The following WDR90 variants were observed in gnomAD, a reference collection of about 807,000 sequenced individuals.
WDR90 encodes WD repeat-containing protein 90.
A neutral mutation model predicts 195.2 loss-of-function variants in WDR90; 238 were observed. That is an observed-to-expected ratio of 1.22 (90% CI 1.10 to 1.36). The LOEUF (loss-of-function observed/expected upper bound fraction) is 1.36, where lower values mean the gene tolerates loss of function less well. WDR90 is among the 40% of genes most tolerant of loss of function. The pLI is 0.00. For missense variants in WDR90, 2,734 were observed against 2,439.5 expected, an observed-to-expected ratio of 1.12 and a Z score of -2.54; for synonymous variants, 1,265 against 1,052.4, an observed-to-expected ratio of 1.20 and a Z score of -3.91.
At chr16:652,688 C>T (rs887721964) in intron 10 of WDR90, among the ~76,000 whole-genome samples, 153 bp downstream of exon 10, 6 of 152,236 alleles carry the variant, frequency 3.9e-5, no homozygotes, top group African/African-American at 9.6e-5. Context: ...CCCTGCAGTC[C>T]GCTGCTTCCC....
chr16:666,397 G>T (rs371257144), intron 37 of WDR90, 47 bp downstream of exon 37: 1 of 1,610,330 alleles, frequency 6.2e-7, no homozygotes, highest in South Asian at 1.1e-5. Context: ...GGTGCTGGTG[G>T]GGGCAGGCAC....
In WDR90 at chr16:665,752, G is replaced by A. The variant is rs773839583; in HGVS notation, c.4385G>A (p.Trp1462Ter). ...TCSEDGSVRV[W>*]ALASMELVIQ... ...AGTGAGGATGGGAGTGTGCGGGTGT[G>A]GGCCTTGGCCAGCATGGAGCTTGTG... Residue 1462 changes from tryptophan (W) to a stop codon, truncating the protein, a stop_gained, in exon 35 of 41, where the codon TGG becomes TAG. Coordinates refer to ENST00000293879, the MANE Select transcript of WDR90 (RefSeq NM_145294.5). LOFTEE classifies it high-confidence loss of function. 5.0e-5 allele frequency: 80 copies of A among 1,608,452 alleles called. No homozygotes were observed. In the South Asian group the frequency reaches 8.4e-4, roughly 17 times the overall value.
Position 650,287 on chromosome 16 carries a change from C to T in WDR90, c.313C>T (p.Leu105Phe). The stretch of plus-strand genomic sequence containing the variant: ...AGTCATCCGTGTGTCTTTCTCCAAC[C>T]TCTTCAAGGAGTTTAAGTCTACGGC... ...NQVIRVSFSN[L>F]FKEFKSTATW... is the part of the protein sequence containing the mutation. The change falls in exon 4 of 41, where the codon CTC becomes TTC. Residue 105 changes from leucine (L) to phenylalanine (F), a missense_variant. Physicochemically the swap from Leu to Phe is conservative, Grantham distance 22. Transcript: ENST00000293879. The T allele has an allele frequency of 1.9e-6, 3 of 1,613,004 alleles. No individual in the cohort carries two copies. The highest frequency in any genetic ancestry group is 1.7e-5 in the Admixed American group (1 of 60,032).
chr16:658,038 C>T (rs1281828140), intron 21 of WDR90, 145 bp from the exon 22 acceptor site: 3 of 1,447,958 alleles, frequency 2.1e-6, no homozygotes, highest in Non-Finnish European at 2.8e-6. Context: ...CATGTGGGGC[C>T]CACGTGCGGC....
At chr16:657,306 GC>G in intron 20 of WDR90, 85 bp downstream of exon 20, 1 of 1,444,732 alleles carries the variant, frequency 6.9e-7, no homozygotes, top group Non-Finnish European at 9.1e-7. Flanking sequence ...GGACACACAT[GC>G]CGGTTTCCTG....
intron 23 of WDR90, 83 bp downstream of exon 23, chr16:658,736 G>C: frequency 6.4e-7 from 1 of 1,567,142 alleles, no homozygotes; most frequent in South Asian, 1.2e-5. Flanking sequence ...TGTGGGTGGG[G>C]GCAGGGAGAG....
At position 655,150 on chromosome 16, in the gene WDR90, G is replaced by T. The variant is rs1417466306; in HGVS notation, c.1556+3G>T. 1.9e-6 allele frequency: 3 copies of T among 1,612,474 alleles called. No homozygotes were observed. Among genetic ancestry groups the T allele is most frequent in the African/African-American group, 2.7e-5 (2 of 74,906 alleles). ...GTCACCTTTTTTGATGAAACCAGGT[G>T]ATGCAGCCGCCCATCCACGATGTTG... On this transcript the variant is annotated splice_donor_region_variant and intron_variant, in intron 14 of 40. Transcript: ENST00000293879.
chr16:664,944 G>T (rs13329749), intron 34 of WDR90: 38,898 of 152,318 alleles, frequency 0.26, 7,449 homozygotes, highest in African/African-American at 0.54. Context: ...CTCCCAAAGG[G>T]CTGGGATTAC....
intron 9 of WDR90, chr16:652,254 GC>G: frequency 1.3e-6 from 1 of 791,664 alleles, no homozygotes; most frequent in Non-Finnish European, 2.0e-6. Flanking sequence ...CAATGCGTCA[GC>G]CCCAGGTGGT....
In WDR90 at chr16:653,414, CGGG is replaced by C; in HGVS notation, c.1199_1201del (p.Gly400del). On this transcript the variant is annotated inframe_deletion, in exon 11 of 41. Transcript: ENST00000293879. ...GTCATCGTCGTCCTGCTCGTGGACA[CGGG>C]GGAGCAGCGCTTCTTCCTTGGCCAC... 6.2e-7 allele frequency: 1 copy of C among 1,611,010 alleles called. No individual in the cohort carries two copies. The highest frequency in any genetic ancestry group is 8.5e-7 in the Non-Finnish European group (1 of 1,179,154).
At chr16:652,906 G>C (rs568142651) in intron 10 of WDR90, among the ~76,000 whole-genome samples, 1 of 152,224 alleles carries the variant, frequency 6.6e-6, no homozygotes, top group African/African-American at 2.4e-5. Flanking sequence ...CATGGGTGAC[G>C]TGGGCCTTCT....
chr16:660,545 T>C (rs2037873619), intron 27 of WDR90, 67 bp from the exon 28 acceptor site: 2 of 1,472,168 alleles, frequency 1.4e-6, no homozygotes, highest in African/African-American at 1.4e-5. Flanking sequence ...CAGCCTCCCA[T>C]GTGCAGGCTT....
Position 666,096 on chromosome 16 carries a change from G to C in WDR90, c.4581G>C (p.Ala1527=), listed in dbSNP as rs371596031. 1 of 1,610,196 alleles carries C rather than the reference G, an allele frequency of 6.2e-7. No individual in the cohort carries two copies. Among genetic ancestry groups the C allele is most frequent in the Non-Finnish European group, 8.5e-7 (1 of 1,179,504 alleles). ...MELKMHPHPV[A]LTTVAFSTDG... ...TCAAGATGCACCCCCACCCGGTGGCGCTGACCACTGTTGCCTTCTCCACCG... is the reference window on the plus strand; with the variant it reads ...TCAAGATGCACCCCCACCCGGTGGCCCTGACCACTGTTGCCTTCTCCACCG... The change falls in exon 36 of 41, where the codon GCG becomes GCC. Residue 1527 remains alanine (A), a synonymous_variant. Transcript: ENST00000293879.
chr16:662,054 G>A lies in WDR90; in HGVS notation c.4028G>A (p.Gly1343Asp). The change falls in exon 32 of 41, where the codon GGC becomes GAC. Residue 1343 changes from glycine (G) to aspartate (D), a missense_variant. Coordinates refer to ENST00000293879, the MANE Select transcript of WDR90 (RefSeq NM_145294.5). ...CFLSWEADDG[G>D]IGLLLFSGSR... The stretch of plus-strand genomic sequence containing the variant: ...TTGTCCTGGGAGGCGGATGACGGTG[G>A]CATTGGTGAGTGCCCCGCAGAAGCC... The A allele has an allele frequency of 6.2e-7, 1 of 1,601,034 alleles. No homozygotes were observed. The highest frequency in any genetic ancestry group is 8.5e-7 in the Non-Finnish European group (1 of 1,179,528).
In WDR90 at chr16:656,766, G is replaced by C. The variant is rs1361842396; in HGVS notation, c.2237G>C (p.Cys746Ser). The change falls in exon 19 of 41, where the codon TGC becomes TCC. Residue 746 changes from cysteine to serine, a missense_variant. Cys to Ser is a moderately radical substitution (Grantham distance 112). Coordinates refer to ENST00000293879, the MANE Select transcript of WDR90 (RefSeq NM_145294.5). ...TTCACATCATCAGAGGACGCCCCGTGCGCTGTCACCTTCCACCCCACAAGG... is the reference window on the plus strand; with the variant it reads ...TTCACATCATCAGAGGACGCCCCGTCCGCTGTCACCTTCCACCCCACAAGG... ...YDFTSSEDAP[C>S]AVTFHPTRPT... is the part of the protein sequence containing the mutation. The C allele has an allele frequency of 6.2e-7, 1 of 1,613,268 alleles. No individual in the cohort carries two copies. Among genetic ancestry groups the C allele is most frequent in the Admixed American group, 1.7e-5 (1 of 60,024 alleles).
rs2037919462 is a variant in WDR90, at chr16:661,719, A to G, written c.3796A>G (p.Thr1266Ala). The change falls in exon 31 of 41, where the codon ACC becomes GCC. Residue 1266 changes from threonine to alanine, a missense_variant. Coordinates refer to ENST00000293879, the MANE Select transcript of WDR90 (RefSeq NM_145294.5). The stretch of plus-strand genomic sequence containing the variant: ...CAACCCCTGGGACGCCGGCGAGCTC[A>G]CCTGTGTGGGCCAGGGCACTGTCAC... ...AFNPWDAGEL[T>A]CVGQGTVTFW... The G allele has an allele frequency of 1.2e-6, 2 of 1,612,166 alleles. No individual in the cohort carries two copies. Among genetic ancestry groups the G allele is most frequent in the Non-Finnish European group, 8.5e-7 (1 of 1,179,746 alleles).
Position 652,003 on chromosome 16 carries a change from G to T in WDR90, c.1017G>T (p.Ser339=). 6.2e-7 allele frequency: 1 copy of T among 1,604,330 alleles called. No homozygotes were observed. The highest frequency in any genetic ancestry group is 1.3e-5 in the African/African-American group (1 of 74,918). ...AAGTHVLTHE[S]AEVPVARTGS... ...GCACCCACGTGTTGACTCACGAGTCGGCTGAGGTGCCCGTGGCCCGCACCG... is the reference window on the plus strand; with the variant it reads ...GCACCCACGTGTTGACTCACGAGTCTGCTGAGGTGCCCGTGGCCCGCACCG... Residue 339 remains serine (S), a synonymous_variant, in exon 9 of 41, where the codon TCG becomes TCT. Coordinates refer to ENST00000293879, the MANE Select transcript of WDR90 (RefSeq NM_145294.5).
Position 665,931 on chromosome 16 carries a change from C to T in WDR90, c.4435-19C>T. 6.4e-7 allele frequency: 1 copy of T among 1,572,584 alleles called. No homozygotes were observed. Among genetic ancestry groups the T allele is most frequent in the Non-Finnish European group, 8.6e-7 (1 of 1,159,474 alleles). ...AGGGCCCCTGTGAGTGCTGAAGTTTCCCCACTGTGGGTCCCCAGAGCTGCC... is the reference window on the plus strand; with the variant it reads ...AGGGCCCCTGTGAGTGCTGAAGTTTTCCCACTGTGGGTCCCCAGAGCTGCC... On this transcript the variant is annotated intron_variant, in intron 35 of 40. Transcript: ENST00000293879.
chr16:661,917 A>G lies in WDR90; in HGVS notation c.3891A>G (p.Ala1297=). The change falls in exon 32 of 41, where the codon GCA becomes GCG. Residue 1297 remains alanine, a synonymous_variant. Transcript: ENST00000293879. ...LQVRREPVPE[A]VGAGELTSLC... is the part of the protein sequence containing the mutation. ...TGCGTCGAGAGCCAGTCCCAGAGGC[A>G]GTGGGGGCTGGAGAGCTGACCTCGC... 7 of 1,609,974 alleles carry G rather than the reference A, an allele frequency of 4.3e-6. No homozygotes were observed. Among genetic ancestry groups the G allele is most frequent in the Non-Finnish European group, 5.9e-6 (7 of 1,179,586 alleles).
Sources: allele counts gnomAD v4.1 joint callset (sites outside exome capture counted in the v4.1 genomes callset), GRCh38; gene constraint gnomAD v4.1.1; transcripts MANE v1.5; gene names NCBI Gene and HGNC (gene_info 2026-07-23, HGNC 2026-07-21).